The following PRIM2 variants were observed in gnomAD, a reference collection of about 807,000 sequenced individuals.
PRIM2 encodes DNA primase subunit 2, also known as DNA primase large subunit.
PRIM2 carries 39 observed loss-of-function variants against 67.3 expected under a neutral mutation model. The observed-to-expected ratio is 0.58, with a 90% CI of 0.45 to 0.76. The LOEUF is 0.76. Ranked by LOEUF, PRIM2 falls within the 30% of genes least tolerant of loss-of-function variation. PRIM2 has a pLI of 0.00. For synonymous variants in PRIM2, 143 were observed against 198.7 expected, an observed-to-expected ratio of 0.72 and a Z score of 2.36; for missense variants, 398 against 598.7, an observed-to-expected ratio of 0.66 and a Z score of 3.50.
intron 2 of PRIM2, among the ~76,000 whole-genome samples, chr6:57,320,007 TTTC>T (rs1562690689): frequency 6.6e-6 from 1 of 152,230 alleles, no homozygotes; most frequent in Non-Finnish European, 1.5e-5. Context: ...TTGGATGGCC[TTTC>T]TTCTTCACTG....
chr6:57,378,060 C>T (rs1292453440), intron 5 of PRIM2, among the ~76,000 whole-genome samples: 117 of 151,146 alleles, frequency 7.7e-4, no homozygotes, highest in Non-Finnish European at 1.4e-3. Context: ...TTTTCTTCTT[C>T]TTCTTCTTTT....
intron 10 of PRIM2, among the ~76,000 whole-genome samples, chr6:57,573,179 T>A (rs1198656928): frequency 3.3e-5 from 5 of 152,346 alleles, no homozygotes; most frequent in African/African-American, 1.2e-4. Flanking sequence ...TGGGGATTAT[T>A]ATTATTCAAC....
intron 7 of PRIM2, among the ~76,000 whole-genome samples, chr6:57,400,964 G>A (rs369252582): frequency 2.6e-5 from 4 of 152,098 alleles, no homozygotes; most frequent in African/African-American, 7.2e-5. Flanking sequence ...TGTCAGATGC[G>A]TTACGTTCTT....
chr6:57,605,615 TTTCTA>T (rs1335358582), intron 11 of PRIM2, among the ~76,000 whole-genome samples: 2 of 152,182 alleles, frequency 1.3e-5, no homozygotes, highest in African/African-American at 4.8e-5. Context: ...AAAAAAGACT[TTTCTA>T]TATTAAATTT....
chr6:57,430,601 C>T (rs1242911529), intron 7 of PRIM2, among the ~76,000 whole-genome samples: 1 of 151,410 alleles, frequency 6.6e-6, no homozygotes, highest in Non-Finnish European at 1.5e-5. Context: ...CTACAGGTGC[C>T]CACCACCATG....
At chr6:57,412,801 A>G (rs1442368888) in intron 7 of PRIM2, among the ~76,000 whole-genome samples, 1 of 152,114 alleles carries the variant, frequency 6.6e-6, no homozygotes, top group African/African-American at 2.4e-5. Flanking sequence ...AATAAAAGAA[A>G]CAGAAATGGA....
At chr6:57,353,654 C>T (rs1169308945) in intron 5 of PRIM2, among the ~76,000 whole-genome samples, 6 of 152,104 alleles carry the variant, frequency 3.9e-5, no homozygotes, top group Non-Finnish European at 8.8e-5. Context: ...AGATTACTAT[C>T]GGTAGTCTTA....
At chr6:57,589,623 C>T (rs1416466012) in intron 10 of PRIM2, among the ~76,000 whole-genome samples, 14 of 152,072 alleles carry the variant, frequency 9.2e-5, no homozygotes, top group Non-Finnish European at 1.8e-4. Flanking sequence ...ATAAGCAGAC[C>T]GCTGTGCATC....
intron 10 of PRIM2, among the ~76,000 whole-genome samples, chr6:57,550,068 A>G (rs1293236448): frequency 1.3e-5 from 2 of 152,154 alleles, no homozygotes; most frequent in African/African-American, 2.4e-5. Context: ...CTGGGCAACA[A>G]GAGCGAAACT....
intron 7 of PRIM2, among the ~76,000 whole-genome samples, chr6:57,425,957 A>T (rs559727997): frequency 6.6e-6 from 1 of 152,344 alleles, no homozygotes; most frequent in South Asian, 2.1e-4. Flanking sequence ...CAGAAGCATT[A>T]TCAATTTCTA....
intron 7 of PRIM2, among the ~76,000 whole-genome samples, chr6:57,439,161 C>T (rs1772111973): frequency 6.6e-6 from 1 of 152,070 alleles, no homozygotes; most frequent in Non-Finnish European, 1.5e-5. Context: ...TAGTCATGGT[C>T]ACTTTGGCTT....
At chr6:57,316,220 T>C (rs533925030), upstream of PRIM2, among the ~76,000 whole-genome samples, 16 of 152,236 alleles carry the variant, frequency 1.1e-4, no homozygotes, top group South Asian at 3.3e-3. Flanking sequence ...AGGTCAGGAG[T>C]TCGAGACCAG....
At chr6:57,409,897 G>A (rs1771026608) in intron 7 of PRIM2, among the ~76,000 whole-genome samples, 1 of 152,104 alleles carries the variant, frequency 6.6e-6, no homozygotes, top group South Asian at 2.1e-4. Flanking sequence ...AATTTTTCCT[G>A]TATTATCTTT....
intron 5 of PRIM2, among the ~76,000 whole-genome samples, chr6:57,355,301 CAA>C (rs66639419): frequency 6.9e-4 from 44 of 63,588 alleles, no homozygotes; most frequent in Middle Eastern, 8.5e-3. Flanking sequence ...GACTCTGTCT[CAA>C]AAAAAAAAAA....
At chr6:57,364,665 G>A (rs1482243251) in intron 5 of PRIM2, among the ~76,000 whole-genome samples, 2 of 151,990 alleles carry the variant, frequency 1.3e-5, no homozygotes, top group Non-Finnish European at 2.9e-5. Context: ...TTAATATAGG[G>A]AGGGCCTCTT....
chr6:57,308,866 A>C, the PRIM2 span, among the ~76,000 whole-genome samples: 153 of 145,430 alleles, frequency 1.1e-3, no homozygotes, highest in Middle Eastern at 3.6e-3. Context: ...ATTTTATTTT[A>C]TTTTTCTTTT....
chr6:57,401,713 C>T (rs2397275), intron 7 of PRIM2, among the ~76,000 whole-genome samples: 4 of 152,170 alleles, frequency 2.6e-5, no homozygotes, highest in African/African-American at 7.2e-5. Flanking sequence ...ACTCCAGAGA[C>T]GTGCAGGTCT....
rs1176659207 is a variant in PRIM2 at position 57,583,379 on chromosome 6, C to G, written c.1021-17714C>G. Among the ~76,000 whole-genome samples, 3 of 137,244 alleles carry G rather than the reference C, an allele frequency of 2.2e-5. No homozygotes were observed. In the Admixed American group the frequency reaches 2.5e-4, roughly 11 times the overall value. The allele number at this position is 137,244 out of a possible 152,430, so 90.0% of individuals were successfully genotyped here. A position where few individuals can be genotyped will look rare whatever the true frequency, so the allele number is the denominator to read the frequency against. On this transcript the variant is annotated intron_variant, in intron 10 of 13. Transcript: ENST00000615550. ...GAGTGTGATGTTCCCCTTCCTGTGT[C>G]CATGTGTTCTCATTATTCAGTTCCC...
At chr6:57,488,671 C>G (rs2127408673) in intron 7 of PRIM2, among the ~76,000 whole-genome samples, 1 of 152,278 alleles carries the variant, frequency 6.6e-6, no homozygotes, top group African/African-American at 2.4e-5. Context: ...GTCAGCCCAC[C>G]ACATGGTTGC....
Sources: gnomAD v4.1 joint callset for allele counts (sites outside exome capture counted in the v4.1 genomes callset) on GRCh38, gnomAD v4.1.1 for gene constraint, MANE v1.5 for transcripts, NCBI Gene and HGNC (gene_info 2026-07-23, HGNC 2026-07-21) for gene names.